Variants in DAB1 observed in about 807,000 individuals in gnomAD.
The protein encoded by DAB1 is DAB adaptor protein 1.
In DAB1, 15 loss-of-function variants were observed where a neutral mutation model predicts 64.6. The ratio of observed to expected loss-of-function variants is 0.23; its 90% CI spans 0.16 to 0.36. DAB1 has a LOEUF of 0.36. DAB1 is among the 10% of genes least tolerant of loss of function. DAB1 has a pLI of 1.00. For synonymous variants in DAB1, 235 were observed against 251.9 expected (o/e 0.93, Z 0.64); for missense variants, 596 against 706.7 (o/e 0.84, Z 1.78).
chr1:57,006,283 A>T (rs1400925969), intron 14 of DAB1, among the ~76,000 whole-genome samples: 1 of 152,184 alleles, frequency 6.6e-6, no homozygotes, highest in African/African-American at 2.4e-5. Context: ...GCCTACTGGC[A>T]TCTCTACTTG....
Position 57,789,197 on chromosome 1 carries a change from C to T in DAB1, n.551+94802G>A, listed in dbSNP as rs79594518. On this transcript the variant is annotated intron_variant and non_coding_transcript_variant, in intron 6 of 20. Coordinates refer to the DAB1 transcript ENST00000485760. ...CCTCCCCCTTCACCCCCGCCCCTGC[C>T]GCCAAGCATGGGGTGCCTGCAAGGG... Among the ~76,000 whole-genome samples, 903 of 152,220 alleles carry T rather than the reference C, an allele frequency of 5.9e-3. 1 individual carries two copies. Among genetic ancestry groups the T allele is most frequent in the Non-Finnish European group, 8.7e-3 (592 of 68,002 alleles).
chr1:58,458,719 G>A (rs956307820), intron 3 of DAB1, among the ~76,000 whole-genome samples: 4 of 152,100 alleles, frequency 2.6e-5, no homozygotes, highest in African/African-American at 4.8e-5. Context: ...CAGGAGAATC[G>A]CTTGAACCCA....
chr1:57,091,794 T>A (rs76864914), intron 4 of DAB1, among the ~76,000 whole-genome samples: 152 of 152,378 alleles, frequency 1.0e-3, no homozygotes, highest in African/African-American at 3.6e-3. Context: ...CTTATACTAT[T>A]CAATACACTT....
At chr1:57,033,609 G>C (rs1301071939) in intron 9 of DAB1, 2 of 1,575,892 alleles carry the variant, frequency 1.3e-6, no homozygotes, top group Non-Finnish European at 1.7e-6. Flanking sequence ...AGGATGAAGT[G>C]AATGACACAC....
chr1:58,448,481 G>C (rs1645096697), intron 3 of DAB1, among the ~76,000 whole-genome samples: 1 of 152,194 alleles, frequency 6.6e-6, no homozygotes, highest in African/African-American at 2.4e-5. Context: ...TCTGACCCCA[G>C]TTTGTGCTTT....
chr1:57,132,848 AG>A (rs754550055), intron 4 of DAB1, among the ~76,000 whole-genome samples: 5 of 152,206 alleles, frequency 3.3e-5, no homozygotes, highest in Admixed American at 1.3e-4. Flanking sequence ...AGTGAATAAC[AG>A]TGACAATAAG....
At chr1:58,112,585 T>C (rs1318857971) in intron 5 of DAB1, among the ~76,000 whole-genome samples, 2 of 152,180 alleles carry the variant, frequency 1.3e-5, no homozygotes, top group African/African-American at 4.8e-5. Context: ...TTCAATATGT[T>C]TCTAGCAAAA....
intron 9 of DAB1, among the ~76,000 whole-genome samples, chr1:57,034,007 C>A (rs1428241761): frequency 6.6e-6 from 1 of 152,170 alleles, no homozygotes; most frequent in African/African-American, 2.4e-5. Context: ...CTCGGCCGGG[C>A]GCGGTGGCTC....
At chr1:57,161,838 A>C (rs1230801404) in intron 2 of DAB1, among the ~76,000 whole-genome samples, 3 of 151,486 alleles carry the variant, frequency 2.0e-5, no homozygotes, top group African/African-American at 7.3e-5. Flanking sequence ...ACACACGCAA[A>C]CACCCATTCT....
At chr1:57,766,700 C>A (rs1051226321) in intron 6 of DAB1, among the ~76,000 whole-genome samples, 1 of 98,426 alleles carries the variant, frequency 1.0e-5, no homozygotes, top group Non-Finnish European at 2.4e-5. Context: ...TAGTTTGACT[C>A]TGACACTCAC....
chr1:57,888,348 C>G (rs1362385581), upstream of DAB1, among the ~76,000 whole-genome samples: 1 of 152,124 alleles, frequency 6.6e-6, no homozygotes, highest in Non-Finnish European at 1.5e-5. Context: ...TTATACTCCC[C>G]ATCAGATGGA....
rs116110306 is a variant in DAB1, at chr1:57,459,897, T to G, written n.626-168731A>C. Among the ~76,000 whole-genome samples, 1,024 of 152,322 alleles carry G rather than the reference T, an allele frequency of 6.7e-3. 15 individuals are homozygous for G. The highest frequency in any genetic ancestry group is 0.022 in the African/African-American group (930 of 41,566). On this transcript the variant is annotated intron_variant and non_coding_transcript_variant, in intron 7 of 20. Transcript: ENST00000485760. ...AATTTGTTTCAGCATTTGATCAAAT[T>G]CTTGTTCTGCCATGAGTAACTCTCA...
At chr1:58,489,183 C>A (rs913101638) in intron 3 of DAB1, among the ~76,000 whole-genome samples, 2 of 152,198 alleles carry the variant, frequency 1.3e-5, no homozygotes, top group African/African-American at 4.8e-5. Context: ...CAGGGAATTC[C>A]CTTTCCTAGC....
At chr1:58,373,196 A>C (rs1346003469) in intron 3 of DAB1, among the ~76,000 whole-genome samples, 1 of 148,762 alleles carries the variant, frequency 6.7e-6, no homozygotes, top group Non-Finnish European at 1.5e-5. Flanking sequence ...TTATACTTTA[A>C]GTTTTAGGGT....
chr1:58,286,363 T>A (rs1661682025), intron 4 of DAB1, among the ~76,000 whole-genome samples: 3 of 152,108 alleles, frequency 2.0e-5, no homozygotes, highest in Admixed American at 1.3e-4. Context: ...GAAACTATCA[T>A]CAGAGTGAAC....
In DAB1 at chr1:56,996,816, T is replaced by TCTG; in HGVS notation, c.*1325_*1327dup. 6.6e-6 allele frequency: 1 copy of TCTG among 152,340 alleles called. No homozygotes were observed. The highest frequency in any genetic ancestry group is 6.5e-5 in the Admixed American group (1 of 15,298). 9.4% of individuals were successfully genotyped at this position (152,340 alleles called of 1,614,324 possible). ...CAAGTTTGTCACACCTTGCACTCAA[T>TCTG]CTGCTACCTTCTCTACAGTGTAATG... On this transcript the variant is annotated 3_prime_UTR_variant, in exon 15 of 15. Transcript: ENST00000371236.
chr1:57,796,867 C>T (rs1213036058), intron 6 of DAB1, among the ~76,000 whole-genome samples: 1 of 152,160 alleles, frequency 6.6e-6, no homozygotes, highest in African/African-American at 2.4e-5. Context: ...CCCACATCTG[C>T]GTCATATCCT....
intron 4 of DAB1, among the ~76,000 whole-genome samples, chr1:58,224,467 T>G (rs1204115900): frequency 1.3e-5 from 2 of 152,210 alleles, no homozygotes; most frequent in Admixed American, 6.5e-5. Context: ...TTTCTCCATT[T>G]CCAGTTATTG....
chr1:57,773,843 TTC>T (rs1171685186), intron 6 of DAB1, among the ~76,000 whole-genome samples: 1 of 152,030 alleles, frequency 6.6e-6, no homozygotes, highest in Admixed American at 6.6e-5. Flanking sequence ...GGAATCTCTG[TTC>T]TGTTTCATTT....
Sources: gnomAD v4.1 joint callset for allele counts (sites outside exome capture counted in the v4.1 genomes callset) on GRCh38, gnomAD v4.1.1 for gene constraint, MANE v1.5 for transcripts, NCBI Gene and HGNC (gene_info 2026-07-23, HGNC 2026-07-21) for gene names.